Variants in UBR1 observed in about 807,000 individuals in gnomAD.
UBR1 encodes the protein E3 ubiquitin-protein ligase UBR1.
In UBR1, 102 loss-of-function variants were observed where a neutral mutation model predicts 242.1. The ratio of observed to expected loss-of-function variants is 0.42; its 90% CI spans 0.36 to 0.50. The LOEUF (loss-of-function observed/expected upper bound fraction) is 0.50, where lower values mean the gene tolerates loss of function less well. UBR1 is among the 20% of genes least tolerant of loss of function. UBR1 has a pLI of 0.01. For missense variants in UBR1, 1,772 were observed against 2,101.8 expected (o/e 0.84, Z 3.07); for synonymous variants, 675 against 684.8 (o/e 0.99, Z 0.22).
chr15:43,038,126 C>A, intron 16 of UBR1, 45 bp downstream of exon 16: 1 of 1,598,208 alleles, frequency 6.3e-7, no homozygotes, highest in South Asian at 1.1e-5. Context: ...AAGAGATATT[C>A]AGAAACAGAA....
intron 27 of UBR1, among the ~76,000 whole-genome samples, chr15:43,018,010 T>A (rs1369237892): frequency 6.8e-6 from 1 of 147,972 alleles, no homozygotes; most frequent in Non-Finnish European, 1.5e-5. Context: ...GGTTTGTTGT[T>A]TTTTTTTTTT....
chr15:42,943,605 C>T lies in UBR1; in HGVS notation c.*1724G>A, dbSNP rs2031686145. On this transcript the variant is annotated 3_prime_UTR_variant, in exon 47 of 47. Coordinates refer to ENST00000290650, the MANE Select transcript of UBR1 (RefSeq NM_174916.3). ...AGGACTAAAAATAAAGTCAGTTTAT[C>T]TTTGCTAAATTGGGGCCCATCTATT... 6.6e-6 allele frequency: 1 copy of T among 152,182 alleles called. No individual in the cohort carries two copies. Among genetic ancestry groups the T allele is most frequent in the East Asian group, 1.9e-4 (1 of 5,198 alleles). The allele number at this position is 152,182 out of a possible 1,614,324, so 9.4% of individuals were successfully genotyped here.
At chr15:43,019,850 C>T (rs1233243443) in intron 27 of UBR1, among the ~76,000 whole-genome samples, 3 of 151,612 alleles carry the variant, frequency 2.0e-5, no homozygotes, top group Non-Finnish European at 2.9e-5. Context: ...GTGATCCACC[C>T]GCCTCCGCCT....
intron 6 of UBR1, among the ~76,000 whole-genome samples, chr15:43,061,273 A>T (rs2033680958): frequency 6.6e-6 from 1 of 152,220 alleles, no homozygotes; most frequent in South Asian, 2.1e-4. Flanking sequence ...CGACTGTAAG[A>T]ACAAACCAGG....
Position 43,054,980 on chromosome 15 carries a change from C to T in UBR1, c.1282-81G>A, listed in dbSNP as rs894924572. Reference sequence around the variant, plus strand: ...TAATTTATTCATTCATTTGGTTAGTCAGTATGTCATTTTTAATAAATGTTT... The same window carrying T: ...TAATTTATTCATTCATTTGGTTAGTTAGTATGTCATTTTTAATAAATGTTT... On this transcript the variant is annotated intron_variant, in intron 11 of 46. Coordinates refer to ENST00000290650, the MANE Select transcript of UBR1 (RefSeq NM_174916.3). 1.2e-4 allele frequency: 174 copies of T among 1,461,528 alleles called. 4 individuals carry two copies. In the South Asian group the frequency reaches 1.9e-3, roughly 16 times the overall value. 90.5% of individuals were successfully genotyped at this position (1,461,528 alleles called of 1,614,324 possible).
At chr15:43,033,727 A>C (rs2033289009) in intron 19 of UBR1, among the ~76,000 whole-genome samples, 1 of 152,194 alleles carries the variant, frequency 6.6e-6, no homozygotes, top group South Asian at 2.1e-4. Flanking sequence ...GTAACTTCTA[A>C]TTTGAAAGAA....
At chr15:43,096,497 G>A (rs2034163670) in intron 1 of UBR1, among the ~76,000 whole-genome samples, 1 of 152,136 alleles carries the variant, frequency 6.6e-6, no homozygotes, top group Non-Finnish European at 1.5e-5. Flanking sequence ...CATGAAGTCT[G>A]CCACATTGAT....
intron 37 of UBR1, among the ~76,000 whole-genome samples, chr15:42,979,641 C>A (rs1026335219): frequency 6.6e-6 from 1 of 152,136 alleles, no homozygotes; most frequent in African/African-American, 2.4e-5. Flanking sequence ...ACCTCCGCCT[C>A]CTCGGTTCAA....
chr15:43,052,886 A>G (rs2033573775), intron 12 of UBR1, among the ~76,000 whole-genome samples: 1 of 152,238 alleles, frequency 6.6e-6, no homozygotes, highest in South Asian at 2.1e-4. Flanking sequence ...TTTTACAGAT[A>G]AACGGTGTTT....
At chr15:43,083,163 C>T (rs2033992114) in intron 2 of UBR1, among the ~76,000 whole-genome samples, 1 of 152,164 alleles carries the variant, frequency 6.6e-6, no homozygotes, top group Admixed American at 6.5e-5. Flanking sequence ...AACATAAGGG[C>T]AGGGATTTCT....
At chr15:43,098,598 G>A (rs1470350048) in intron 1 of UBR1, among the ~76,000 whole-genome samples, 1 of 152,150 alleles carries the variant, frequency 6.6e-6, no homozygotes, top group Non-Finnish European at 1.5e-5. Flanking sequence ...CTTTTCATTT[G>A]CAGGATGTTT....
At chr15:43,032,951 A>G (rs2033276897) in intron 19 of UBR1, among the ~76,000 whole-genome samples, 1 of 152,184 alleles carries the variant, frequency 6.6e-6, no homozygotes, top group Non-Finnish European at 1.5e-5. Flanking sequence ...GTTAGTGAGA[A>G]AGTGCCTTCA....
At chr15:42,981,820 A>G (rs1466943581) in intron 37 of UBR1, among the ~76,000 whole-genome samples, 1 of 152,174 alleles carries the variant, frequency 6.6e-6, no homozygotes. Flanking sequence ...TTGTTTTTAT[A>G]GAAGTTCTGC....
intron 6 of UBR1, among the ~76,000 whole-genome samples, chr15:43,063,413 T>C (rs2033712117): frequency 6.6e-6 from 1 of 152,196 alleles, no homozygotes; most frequent in African/African-American, 2.4e-5. Context: ...ACGATCATGA[T>C]AGCTCACAGT....
chr15:42,994,595 A>G (rs2032607979), intron 33 of UBR1, among the ~76,000 whole-genome samples: 1 of 152,186 alleles, frequency 6.6e-6, no homozygotes, highest in Non-Finnish European at 1.5e-5. Flanking sequence ...AAAACAACAC[A>G]GCGTGAAAAT....
At chr15:42,983,834 A>G in intron 37 of UBR1, 63 bp downstream of exon 37, 3 of 1,029,120 alleles carry the variant, frequency 2.9e-6, no homozygotes, top group South Asian at 5.4e-5. Flanking sequence ...CACTGCCAGA[A>G]ATGCAATAGA....
chr15:43,004,527 C>T (rs2032775520), intron 30 of UBR1, among the ~76,000 whole-genome samples: 2 of 152,346 alleles, frequency 1.3e-5, no homozygotes, highest in South Asian at 2.1e-4. Flanking sequence ...TGCAGGCACA[C>T]GCCGCCACGC....
chr15:42,988,779 C>G, intron 35 of UBR1, 40 bp downstream of exon 35: 1 of 1,613,372 alleles, frequency 6.2e-7, no homozygotes, highest in Non-Finnish European at 8.5e-7. Flanking sequence ...AAAGTTAATT[C>G]TCACTGAAAC....
intron 15 of UBR1, among the ~76,000 whole-genome samples, chr15:43,038,518 T>G (rs1470158178): frequency 6.6e-6 from 1 of 152,048 alleles, no homozygotes; most frequent in Non-Finnish European, 1.5e-5. Context: ...CGCTTGAACC[T>G]GGGAGGCGGA....
Sources: gnomAD v4.1 joint callset for allele counts (sites outside exome capture counted in the v4.1 genomes callset) on GRCh38, gnomAD v4.1.1 for gene constraint, MANE v1.5 for transcripts, NCBI Gene and HGNC (gene_info 2026-07-23, HGNC 2026-07-21) for gene names.